The following TFCP2L1 variants were observed in gnomAD, a reference collection of about 807,000 sequenced individuals.
TFCP2L1 encodes transcription factor CP2-like protein 1.
TFCP2L1 carries 12 observed loss-of-function variants against 72.2 expected under a neutral mutation model. That is an observed-to-expected ratio of 0.17 (90% CI 0.11 to 0.27). The LOEUF is 0.27. Ranked by LOEUF, TFCP2L1 falls within the 10% of genes least tolerant of loss-of-function variation. TFCP2L1 has a pLI of 1.00. For synonymous variants in TFCP2L1, 260 were observed against 251.0 expected (o/e 1.04, Z -0.34); for missense variants, 488 against 624.6 (o/e 0.78, Z 2.33).
chr2:121,246,884 C>T lies in TFCP2L1; in HGVS notation c.591G>A (p.Lys197=). The T allele has an allele frequency of 1.2e-6, 2 of 1,614,188 alleles. No individual in the cohort carries two copies. The highest frequency in any genetic ancestry group is 4.5e-5 in the East Asian group (2 of 44,876). ...VPFRVQIDTF[K]QNENGEYTEH... is the part of the protein sequence containing the mutation. ...CCGTGTACTCCCCATTCTCGTTCTG[C>T]TTAAACGTGTCAATCTGGACTCGAA... Residue 197 remains lysine, a synonymous_variant, in exon 6 of 15, where the codon AAG becomes AAA. Coordinates refer to ENST00000263707, the MANE Select transcript of TFCP2L1 (RefSeq NM_014553.3).
rs201294300 is a variant in TFCP2L1, at chr2:121,281,214, G to A, written c.120C>T (p.Asn40=). The change falls in exon 2 of 15, where the codon AAC becomes AAT. Residue 40 remains asparagine, a synonymous_variant. Coordinates refer to ENST00000263707, the MANE Select transcript of TFCP2L1 (RefSeq NM_014553.3). The part of the protein sequence containing the change: ...KQEEPQLSPE[N]EARLPPLQYV... ...ATTGCAGGGGTGGCAGGCGGGCCTC[G>A]TTCTCGGGGGACAGCTGGGGTTCCT... The A allele has an allele frequency of 1.6e-4, 264 of 1,612,916 alleles. 1 individual carries two copies. The East Asian group carries it at 5.1e-3, about 31-fold the overall frequency.
intron 2 of TFCP2L1, among the ~76,000 whole-genome samples, chr2:121,276,634 GA>G (rs199554642): frequency 0.091 from 9,067 of 100,006 alleles, 650 homozygotes; most frequent in East Asian, 0.35. Flanking sequence ...CCCTGTCTCA[GA>G]AAAAAAAAAA....
intron 2 of TFCP2L1, among the ~76,000 whole-genome samples, chr2:121,265,673 G>A (rs558022208): frequency 2.0e-5 from 3 of 151,938 alleles, no homozygotes; most frequent in South Asian, 2.1e-4. Flanking sequence ...TAGTAGAGTC[G>A]GGGTTTCACC....
At position 121,237,814 on chromosome 2, in the gene TFCP2L1, G is replaced by C; in HGVS notation, c.897C>G (p.Pro299=). The C allele has an allele frequency of 1.2e-6, 2 of 1,614,094 alleles. No individual in the cohort carries two copies. The highest frequency in any genetic ancestry group is 1.7e-6 in the Non-Finnish European group (2 of 1,180,020). Residue 299 remains proline, a synonymous_variant, in exon 9 of 15, where the codon CCC becomes CCG. Coordinates refer to ENST00000263707, the MANE Select transcript of TFCP2L1 (RefSeq NM_014553.3). ...ASPTHPVEAL[P]VGSDHLLPSA... Reference sequence around the variant, plus strand: ...CTCAGACACTTACGTCACTGCCCACGGGCAGGGCCTCCACCGGGTGGGTCG... The same window carrying C: ...CTCAGACACTTACGTCACTGCCCACCGGCAGGGCCTCCACCGGGTGGGTCG...
chr2:121,237,886 G>A (rs758092556), intron 8 of TFCP2L1, 36 bp from the exon 9 acceptor site: 8 of 1,610,676 alleles, frequency 5.0e-6, no homozygotes, highest in African/African-American at 1.3e-5. Flanking sequence ...AGGACAGAGG[G>A]GGCTCCCAGG....
intron 14 of TFCP2L1, 99 bp from the exon 15 acceptor site, chr2:121,224,486 G>C: frequency 8.0e-7 from 1 of 1,255,092 alleles, no homozygotes; most frequent in Non-Finnish European, 1.1e-6. Flanking sequence ...TATCAGCAAA[G>C]ACCACCAAAA....
At chr2:121,242,332 C>G in intron 7 of TFCP2L1, 27 bp downstream of exon 7, 2 of 1,601,200 alleles carry the variant, frequency 1.2e-6, no homozygotes, top group Non-Finnish European at 1.7e-6. Context: ...CCCTTGGAGG[C>G]TCTGTCCCCG....
rs1402124168 is a variant in TFCP2L1, at chr2:121,224,373, C to T, written c.1408G>A (p.Gly470Ser). 6.8e-6 allele frequency: 11 copies of T among 1,613,806 alleles called. No individual in the cohort carries two copies. The highest frequency in any genetic ancestry group is 9.3e-6 in the Non-Finnish European group (11 of 1,179,988). Residue 470 changes from glycine (G) to serine (S), a missense_variant, in exon 15 of 15, where the codon GGC (glycine) becomes AGC (serine). Gly to Ser is a moderately conservative substitution (Grantham distance 56). Coordinates refer to ENST00000263707, the MANE Select transcript of TFCP2L1 (RefSeq NM_014553.3). ...CCACATTTCAGGATGATGTGGTAGC[C>T]ATCATTGCTCTCAGCTGCAAGAGAG... ...LSTIKAESND[G>S]YHIILKCGL
At chr2:121,275,007 G>A (rs1479808794) in intron 2 of TFCP2L1, among the ~76,000 whole-genome samples, 1 of 151,900 alleles carries the variant, frequency 6.6e-6, no homozygotes, top group East Asian at 1.9e-4. Context: ...ATTATGGGAG[G>A]CAGACACTAA....
chr2:121,234,414 G>C (rs112810046), intron 11 of TFCP2L1: 9 of 543,140 alleles, frequency 1.7e-5, no homozygotes, highest in Non-Finnish European at 3.0e-5. Context: ...CATACAAGAC[G>C]TTTTCAGGCA....
At chr2:121,255,368 G>T (rs764135264) in intron 2 of TFCP2L1, among the ~76,000 whole-genome samples, 2 of 152,088 alleles carry the variant, frequency 1.3e-5, no homozygotes, top group African/African-American at 2.4e-5. Context: ...TGTAAAATGT[G>T]GGGGGGAGGG....
intron 2 of TFCP2L1, among the ~76,000 whole-genome samples, chr2:121,258,095 G>A (rs1029199795): frequency 5.9e-5 from 9 of 152,174 alleles, no homozygotes; most frequent in Non-Finnish European, 1.0e-4. Context: ...TGAAGAACAC[G>A]AAAAGATGCT....
At chr2:121,238,103 C>T (rs1022659516) in intron 8 of TFCP2L1, among the ~76,000 whole-genome samples, 7 of 152,182 alleles carry the variant, frequency 4.6e-5, no homozygotes, top group Non-Finnish European at 1.0e-4. Flanking sequence ...AATGACACTC[C>T]TCTACCCTGA....
chr2:121,254,745 G>A (rs530868047), intron 2 of TFCP2L1, among the ~76,000 whole-genome samples: 1 of 152,020 alleles, frequency 6.6e-6, no homozygotes, highest in East Asian at 1.9e-4. Flanking sequence ...AGAGGTTGAA[G>A]TGAGCCAAGA....
At chr2:121,281,344 G>C in intron 1 of TFCP2L1, 73 bp from the exon 2 acceptor site, 1 of 1,501,786 alleles carries the variant, frequency 6.7e-7, no homozygotes, top group Non-Finnish European at 8.8e-7. Flanking sequence ...GGCGAAGCTA[G>C]AGAGACGACG....
At chr2:121,247,043 C>G (rs891026283) in intron 5 of TFCP2L1, 73 bp from the exon 6 acceptor site, 119 of 1,570,070 alleles carry the variant, frequency 7.6e-5, no homozygotes, top group Admixed American at 5.8e-4. Context: ...CAAGCGCCCC[C>G]TCTATTGGAG....
intron 13 of TFCP2L1, among the ~76,000 whole-genome samples, chr2:121,228,828 C>T (rs570863152): frequency 3.1e-5 from 4 of 129,832 alleles, no homozygotes; most frequent in African/African-American, 5.6e-5. Flanking sequence ...ATAATATAAA[C>T]GTAATTCTTA....
intron 2 of TFCP2L1, among the ~76,000 whole-genome samples, chr2:121,251,773 T>C (rs759138264): frequency 6.6e-6 from 1 of 152,248 alleles, no homozygotes; most frequent in Non-Finnish European, 1.5e-5. Context: ...CAAAACATCA[T>C]GTTGCACATG....
chr2:121,246,387 AG>A (rs1238134758), intron 6 of TFCP2L1, among the ~76,000 whole-genome samples: 1 of 152,260 alleles, frequency 6.6e-6, no homozygotes, highest in Non-Finnish European at 1.5e-5. Context: ...AGCCCTCAAC[AG>A]GAAGATCCGA....
Sources: gnomAD v4.1 joint callset for allele counts (sites outside exome capture counted in the v4.1 genomes callset) on GRCh38, gnomAD v4.1.1 for gene constraint, MANE v1.5 for transcripts, NCBI Gene and HGNC (gene_info 2026-07-23, HGNC 2026-07-21) for gene names.